DDX10: variants seen among roughly 807,000 people sequenced by gnomAD.
DDX10 encodes the protein probable ATP-dependent RNA helicase DDX10.
Under a neutral mutation model 104.3 loss-of-function variants are expected in DDX10, and 74 were observed. The ratio of observed to expected loss-of-function variants is 0.71; its 90% confidence interval spans 0.59 to 0.86. DDX10 has a LOEUF of 0.86. DDX10 is among the 40% of genes least tolerant of loss of function. The pLI is 0.00. For synonymous variants in DDX10, 351 were observed against 353.4 expected (o/e 0.99, Z 0.08); for missense variants, 952 against 1,040.0 (o/e 0.92, Z 1.16).
At chr11:108,841,201 A>G in intron 14 of DDX10, 114 bp from the exon 15 acceptor site, 1 of 809,998 alleles carries the variant, frequency 1.2e-6, no homozygotes, top group East Asian at 2.6e-5. Flanking sequence ...TACAGATTAG[A>G]TTGTAAGGCA....
chr11:108,923,784 G>A (rs1863872327), intron 17 of DDX10, among the ~76,000 whole-genome samples: 1 of 152,182 alleles, frequency 6.6e-6, no homozygotes, highest in South Asian at 2.1e-4. Context: ...TCCAATCTAG[G>A]CCTGGTGGGT....
At chr11:108,868,354 G>T (rs1863034602) in intron 16 of DDX10, 1 of 151,880 alleles carries the variant, frequency 6.6e-6, no homozygotes, top group Non-Finnish European at 1.5e-5. Context: ...GAAGAGTGAG[G>T]AGTTCAGTGT....
intron 13 of DDX10, among the ~76,000 whole-genome samples, chr11:108,816,261 C>A (rs1490010069): frequency 6.6e-6 from 1 of 152,158 alleles, no homozygotes; most frequent in Non-Finnish European, 1.5e-5. Context: ...TTTAGTAAGA[C>A]CTTTTCTTTA....
rs756413042 is a variant in DDX10, at chr11:108,679,416, C to T, written c.704C>T (p.Thr235Ile). ...DRILDMGFAD[T>I]MNAVIENLPK... Reference sequence around the variant, plus strand: ...ATCTTGGATATGGGCTTTGCTGATACCATGAATGCTGTTATTGAAAATCTC... The same window carrying T: ...ATCTTGGATATGGGCTTTGCTGATATCATGAATGCTGTTATTGAAAATCTC... Residue 235 changes from threonine to isoleucine, a missense_variant, in exon 6 of 18, where the codon ACC (threonine) becomes ATC (isoleucine). Around this residue, in one of 3 missense-constraint regions of DDX10, gnomAD observed 412 missense variants for 479.2 expected, o/e 0.86. Coordinates refer to ENST00000322536, the MANE Select transcript of DDX10 (RefSeq NM_004398.4). 1.2e-6 allele frequency: 2 copies of T among 1,609,872 alleles called. No homozygotes were observed. The highest frequency in any genetic ancestry group is 1.3e-5 in the African/African-American group (1 of 74,710).
intron 16 of DDX10, among the ~76,000 whole-genome samples, chr11:108,871,538 G>C (rs569537996): frequency 5.2e-4 from 79 of 152,266 alleles, no homozygotes; most frequent in African/African-American, 1.8e-3. Context: ...CACTGCTCTA[G>C]AATTAAAAAC....
chr11:108,796,831 T>C (rs1861947403), intron 13 of DDX10, among the ~76,000 whole-genome samples: 1 of 152,144 alleles, frequency 6.6e-6, no homozygotes, highest in Admixed American at 6.5e-5. Flanking sequence ...TTAATGCTAC[T>C]GTTGTGTGAG....
chr11:108,761,064 A>G (rs1263480870), intron 13 of DDX10, among the ~76,000 whole-genome samples: 1 of 152,120 alleles, frequency 6.6e-6, no homozygotes, highest in Non-Finnish European at 1.5e-5. Flanking sequence ...ATACAAATAT[A>G]AGGTATAAAA....
intron 13 of DDX10, among the ~76,000 whole-genome samples, chr11:108,806,545 G>T (rs1351206126): frequency 6.6e-6 from 1 of 152,208 alleles, no homozygotes; most frequent in African/African-American, 2.4e-5. Context: ...GTTAGCTGCA[G>T]AGCCACAAAT....
chr11:108,814,654 A>C (rs1024489960), intron 13 of DDX10, among the ~76,000 whole-genome samples: 1 of 152,210 alleles, frequency 6.6e-6, no homozygotes, highest in Non-Finnish European at 1.5e-5. Flanking sequence ...AGAGTAACAA[A>C]AAAAAACCTC....
intron 13 of DDX10, among the ~76,000 whole-genome samples, chr11:108,730,388 T>G (rs1383882884): frequency 6.6e-6 from 1 of 152,190 alleles, no homozygotes; most frequent in Non-Finnish European, 1.5e-5. Flanking sequence ...GGGAGCTGTC[T>G]TCCTGGGAAA....
intron 13 of DDX10, among the ~76,000 whole-genome samples, chr11:108,784,959 A>G (rs535901549): frequency 3.3e-5 from 5 of 152,178 alleles, no homozygotes; most frequent in Non-Finnish European, 7.4e-5. Flanking sequence ...CCCTTTCCCC[A>G]TTGTTTATTC....
At chr11:108,857,537 T>G (rs1290012616) in intron 16 of DDX10, among the ~76,000 whole-genome samples, 3 of 152,234 alleles carry the variant, frequency 2.0e-5, no homozygotes, top group African/African-American at 7.2e-5. Flanking sequence ...GCTCTGGCTC[T>G]TGTTTTCCTT....
rs771785543 is a variant in DDX10, at chr11:108,665,127, A to G, written c.-27A>G. The G allele has an allele frequency of 6.3e-6, 10 of 1,592,372 alleles. No individual in the cohort carries two copies. In the South Asian group the frequency reaches 8.0e-5, roughly 13 times the overall value. ...CTTAGGTGTCTCGTGTCTGGGGTTG[A>G]TCCGAGCTGTCGCCGCCGCCGCCGC... On this transcript the variant is annotated 5_prime_UTR_variant, in exon 1 of 18. Transcript: ENST00000322536.
chr11:108,724,979 T>A (rs1224335466), intron 13 of DDX10, among the ~76,000 whole-genome samples: 1 of 152,072 alleles, frequency 6.6e-6, no homozygotes, highest in Non-Finnish European at 1.5e-5. Context: ...CCAAAACATT[T>A]CTTATTCCCT....
intron 16 of DDX10, among the ~76,000 whole-genome samples, chr11:108,874,431 C>T (rs1205573818): frequency 2.0e-5 from 3 of 152,172 alleles, no homozygotes; most frequent in Non-Finnish European, 4.4e-5. Context: ...GCTCATAATT[C>T]TGTTGATTAC....
At chr11:108,765,694 A>G (rs1262895740) in intron 13 of DDX10, among the ~76,000 whole-genome samples, 3 of 152,240 alleles carry the variant, frequency 2.0e-5, no homozygotes, top group East Asian at 1.9e-4. Context: ...TGCACTTTTT[A>G]TCACAGGAGC....
intron 17 of DDX10, among the ~76,000 whole-genome samples, chr11:108,937,557 T>C (rs1010474936): frequency 6.6e-6 from 1 of 152,206 alleles, no homozygotes; most frequent in Non-Finnish European, 1.5e-5. Context: ...GCTCAGATGG[T>C]TACTTTGGTT....
intron 10 of DDX10, among the ~76,000 whole-genome samples, chr11:108,715,062 T>C (rs191652516): frequency 1.5e-5 from 2 of 131,248 alleles, no homozygotes; most frequent in African/African-American, 2.5e-5. Flanking sequence ...CTTTAAAATT[T>C]TTTTTTTCTT....
intron 13 of DDX10, among the ~76,000 whole-genome samples, chr11:108,836,825 T>C (rs564010054): frequency 6.6e-6 from 1 of 152,302 alleles, no homozygotes; most frequent in Non-Finnish European, 1.5e-5. Flanking sequence ...GTATTCATCA[T>C]TGTTAATATC....
Sources: allele counts gnomAD v4.1 joint callset (sites outside exome capture counted in the v4.1 genomes callset), GRCh38; gene constraint gnomAD v4.1.1; regional missense constraint gnomAD v4.1.1; transcripts MANE v1.5; gene names NCBI Gene and HGNC (gene_info 2026-07-23, HGNC 2026-07-21).